ZFYVE16: variants seen among roughly 807,000 people sequenced by gnomAD.
ZFYVE16 encodes the protein zinc finger FYVE-type containing 16, also known as zinc finger FYVE domain-containing protein 16.
In ZFYVE16, 89 loss-of-function variants were observed where a neutral mutation model predicts 138.1. The observed-to-expected ratio is 0.64, with a 90% CI of 0.54 to 0.77. The LOEUF (loss-of-function observed/expected upper bound fraction) is 0.77, where lower values mean the gene tolerates loss of function less well. Ranked by LOEUF, ZFYVE16 falls within the 30% of genes least tolerant of loss-of-function variation. The pLI, the probability that ZFYVE16 is intolerant of heterozygous loss-of-function variation, is 0.00. For synonymous variants in ZFYVE16, 596 were observed against 618.3 expected (o/e 0.96, Z 0.53); for missense variants, 1,793 against 1,786.7 (o/e 1.00, Z -0.06).
At position 80,456,513 on chromosome 5, in the gene ZFYVE16, A is replaced by T. The variant is rs1266804690; in HGVS notation, c.3743A>T (p.His1248Leu). 1 of 1,613,278 alleles carries T rather than the reference A, an allele frequency of 6.2e-7. No individual in the cohort carries two copies. The highest frequency in any genetic ancestry group is 2.2e-5 in the East Asian group (1 of 44,710). Residue 1248 changes from histidine (H) to leucine (L), a missense_variant, in exon 13 of 19, where the codon CAT (histidine) becomes CTT (leucine). Physicochemically the swap from His to Leu is moderately conservative, Grantham distance 99. Coordinates refer to ENST00000505560, the MANE Select transcript of ZFYVE16 (RefSeq NM_001284236.3). Reference protein sequence around the residue: ...TLHNIDQLLIHMEMGKSCIKI... With the variant: ...TLHNIDQLLILMEMGKSCIKI... Reference sequence around the variant, plus strand: ...CATAATATAGATCAACTGTTGATTCATATGGAAATGGGAAAAAGCTGCATA... The same window carrying T: ...CATAATATAGATCAACTGTTGATTCTTATGGAAATGGGAAAAAGCTGCATA...
Position 80,440,046 on chromosome 5 carries a change from T to C in ZFYVE16, c.2419+14T>C. On this transcript the variant is annotated intron_variant, in intron 5 of 18. Transcript: ENST00000505560. Reference sequence around the variant, plus strand: ...CTATTAGTAAAGGTGAGTATTAACTTGATATATTTTCTTCCAGTAATTGAA... The same window carrying C: ...CTATTAGTAAAGGTGAGTATTAACTCGATATATTTTCTTCCAGTAATTGAA... The C allele has an allele frequency of 6.4e-7, 1 of 1,573,842 alleles. No individual in the cohort carries two copies. Among genetic ancestry groups the C allele is most frequent in the East Asian group, 2.3e-5 (1 of 43,682 alleles).
At position 80,438,754 on chromosome 5, in the gene ZFYVE16, C is replaced by T; in HGVS notation, c.2069C>T (p.Ala690Val). ...GATACCGTTGTTCCAATCACTTGTGCTATAGATTCTACAGCTGATCCACAG... is the reference window on the plus strand; with the variant it reads ...GATACCGTTGTTCCAATCACTTGTGTTATAGATTCTACAGCTGATCCACAG... ...TADTVVPITC[A>V]IDSTADPQVS... The change falls in exon 4 of 19, where the codon GCT becomes GTT. Residue 690 changes from alanine (A) to valine (V), a missense_variant. This residue lies in a region of ZFYVE16 where 1,295 missense variants were observed against 1,204.3 expected (regional missense o/e 1.08). Coordinates refer to ENST00000505560, the MANE Select transcript of ZFYVE16 (RefSeq NM_001284236.3). 4 of 1,614,076 alleles carry T rather than the reference C, an allele frequency of 2.5e-6. No homozygotes were observed. Among genetic ancestry groups the T allele is most frequent in the Non-Finnish European group, 3.4e-6 (4 of 1,179,982 alleles).
chr5:80,457,139 A>G, intron 14 of ZFYVE16, 47 bp downstream of exon 14: 1 of 1,588,076 alleles, frequency 6.3e-7, no homozygotes, highest in Non-Finnish European at 8.5e-7. Flanking sequence ...CACCTCAATT[A>G]ATAGAATTCC....
intron 11 of ZFYVE16, among the ~76,000 whole-genome samples, chr5:80,453,332 C>T (rs1247633782): frequency 6.6e-6 from 1 of 152,144 alleles, no homozygotes; most frequent in Non-Finnish European, 1.5e-5. Flanking sequence ...ATCAATGCAG[C>T]CCAGTATTTT....
At chr5:80,473,305 A>T (rs1754568444) in intron 16 of ZFYVE16, among the ~76,000 whole-genome samples, 1 of 152,222 alleles carries the variant, frequency 6.6e-6, no homozygotes, top group South Asian at 2.1e-4. Context: ...CTATAAATAC[A>T]AACAACTGGA....
At chr5:80,469,678 G>T in intron 15 of ZFYVE16, among the ~76,000 whole-genome samples, 1 of 151,796 alleles carries the variant, frequency 6.6e-6, no homozygotes, top group East Asian at 2.0e-4. Context: ...AAATATATGT[G>T]CATGTGTGTG....
chr5:80,458,376 C>G (rs1239160368), intron 14 of ZFYVE16, among the ~76,000 whole-genome samples: 1 of 152,146 alleles, frequency 6.6e-6, no homozygotes, highest in Non-Finnish European at 1.5e-5. Context: ...GTTATCAGTT[C>G]TTATATATCC....
rs1312991355 is a variant in ZFYVE16, at chr5:80,443,140, A to T, written c.2437A>T (p.Met813Leu). Residue 813 changes from methionine to leucine, a missense_variant, in exon 6 of 19, where the codon ATG becomes TTG. Physicochemically the swap from Met to Leu is conservative, Grantham distance 15. This residue lies in a region of ZFYVE16 where 1,295 missense variants were observed against 1,204.3 expected (regional missense o/e 1.08). Transcript: ENST00000505560. ...CTTTATAGCTCAGGCATTTGAAAGG[A>T]TGATGAGTCCAACTGGTTCTAATCT... ...TISKAQAFER[M>L]MSPTGSNLKS... The T allele has an allele frequency of 3.2e-6, 5 of 1,560,254 alleles. No individual in the cohort carries two copies. Among genetic ancestry groups the T allele is most frequent in the East Asian group, 2.4e-5 (1 of 41,634 alleles).
intron 15 of ZFYVE16, among the ~76,000 whole-genome samples, chr5:80,464,255 C>CA (rs1753447495): frequency 6.6e-6 from 1 of 151,276 alleles, no homozygotes; most frequent in Admixed American, 6.6e-5. Flanking sequence ...TTAATTGACT[C>CA]ACAGTTCAGC....
intron 1 of ZFYVE16, among the ~76,000 whole-genome samples, chr5:80,409,404 T>TA (rs1745101924): frequency 6.6e-6 from 1 of 152,232 alleles, no homozygotes; most frequent in Admixed American, 6.5e-5. Flanking sequence ...TAATTACGCT[T>TA]AAAAATTATT....
chr5:80,443,206 C>T lies in ZFYVE16; in HGVS notation c.2503C>T (p.Pro835Ser). The T allele has an allele frequency of 6.2e-7, 1 of 1,610,578 alleles. No individual in the cohort carries two copies. Reference protein sequence around the residue: ...HSDECTTVQPPQENQTSSIPS... With the variant: ...HSDECTTVQPSQENQTSSIPS... ...TGATGAATGTACTACTGTCCAGCCTCCTCAGGAGAACCAAACATCCAGTAT... is the reference window on the plus strand; with the variant it reads ...TGATGAATGTACTACTGTCCAGCCTTCTCAGGAGAACCAAACATCCAGTAT... The change falls in exon 6 of 19, where the codon CCT becomes TCT. Residue 835 changes from proline to serine, a missense_variant. Physicochemically the swap from Pro to Ser is moderately conservative, Grantham distance 74. Around this residue, in one of 2 missense-constraint regions of ZFYVE16, gnomAD observed 1,295 missense variants for 1,204.3 expected, o/e 1.08. Transcript: ENST00000505560.
Position 80,445,484 on chromosome 5 carries a change from G to A in ZFYVE16, c.2724+79G>A, listed in dbSNP as rs1751218898. ...TAATTCCTGGTGTGATTATTAGAGT[G>A]CTTTTTTTTTTTTTTAACACTTTGA... On this transcript the variant is annotated intron_variant, in intron 7 of 18. Coordinates refer to ENST00000505560, the MANE Select transcript of ZFYVE16 (RefSeq NM_001284236.3). 9.4e-6 allele frequency: 11 copies of A among 1,175,500 alleles called. No homozygotes were observed. In the South Asian group the frequency reaches 2.0e-4, roughly 21 times the overall value. The allele number at this position is 1,175,500 out of a possible 1,614,324, so 72.8% of individuals were successfully genotyped here.
chr5:80,469,067 T>C (rs905135925), intron 15 of ZFYVE16, among the ~76,000 whole-genome samples: 2 of 151,824 alleles, frequency 1.3e-5, no homozygotes, highest in Non-Finnish European at 1.5e-5. Flanking sequence ...ATCCATATAT[T>C]TTTCTTCTTA....
intron 1 of ZFYVE16, among the ~76,000 whole-genome samples, chr5:80,416,260 T>G (rs1231372608): frequency 2.8e-5 from 4 of 142,584 alleles, no homozygotes; most frequent in African/African-American, 1.0e-4. Flanking sequence ...TTTTTTTTTT[T>G]TTTTTTTTTT....
rs1755325437 is a variant in ZFYVE16, at chr5:80,482,964, A to C, written c.*5587A>C. The C allele has an allele frequency of 6.6e-6, 1 of 152,012 alleles. No homozygotes were observed. Among genetic ancestry groups the C allele is most frequent in the Non-Finnish European group, 1.5e-5 (1 of 68,088 alleles). 9.4% of individuals were successfully genotyped at this position (152,012 alleles called of 1,614,324 possible). ...CACTGCAACCTCCGCCTCCCGGTTC[A>C]AGCAGTTCTCCTGTCTGAGCCTCCA... On this transcript the variant is annotated 3_prime_UTR_variant, in exon 19 of 19. Coordinates refer to ENST00000505560, the MANE Select transcript of ZFYVE16 (RefSeq NM_001284236.3).
chr5:80,443,467 C>T (rs964351737), intron 6 of ZFYVE16, among the ~76,000 whole-genome samples, 183 bp downstream of exon 6: 3 of 152,110 alleles, frequency 2.0e-5, no homozygotes, highest in East Asian at 1.9e-4. Flanking sequence ...GCTCAAGTGC[C>T]GCAGCAATTA....
chr5:80,447,550 T>C (rs1010167523), intron 7 of ZFYVE16, among the ~76,000 whole-genome samples: 1 of 152,208 alleles, frequency 6.6e-6, no homozygotes, highest in Non-Finnish European at 1.5e-5. Context: ...ATAGTCTTTA[T>C]GGGTAGTTTT....
intron 6 of ZFYVE16, 120 bp from the exon 7 acceptor site, chr5:80,445,143 A>C: frequency 1.9e-6 from 2 of 1,044,250 alleles, no homozygotes; most frequent in South Asian, 1.6e-5. Flanking sequence ...TGTAGCCCTG[A>C]GAATTCAGGG....
chr5:80,425,334 T>A (rs1020426348), intron 1 of ZFYVE16, among the ~76,000 whole-genome samples: 1 of 152,188 alleles, frequency 6.6e-6, no homozygotes, highest in African/African-American at 2.4e-5. Flanking sequence ...AAAGTATCTC[T>A]TATTTATTTA....
Sources: allele counts gnomAD v4.1 joint callset (sites outside exome capture counted in the v4.1 genomes callset), GRCh38; gene constraint gnomAD v4.1.1; regional missense constraint gnomAD v4.1.1; transcripts MANE v1.5; gene names NCBI Gene and HGNC (gene_info 2026-07-23, HGNC 2026-07-21).